COL24A1: variants seen among roughly 807,000 people sequenced by gnomAD.
The protein encoded by COL24A1 is collagen type XXIV alpha 1 chain, also known as collagen alpha-1(XXIV) chain.
In COL24A1, 224 loss-of-function variants were observed where a neutral mutation model predicts 253.9. The observed-to-expected ratio is 0.88, with a 90% CI of 0.79 to 0.99. The LOEUF (loss-of-function observed/expected upper bound fraction) is 0.99. Ranked by LOEUF, COL24A1 falls within the 50% of genes least tolerant of loss-of-function variation. The pLI, the probability that COL24A1 is intolerant of heterozygous loss-of-function variation, is 0.00. For missense variants in COL24A1, 2,131 were observed against 2,068.5 expected (o/e 1.03, Z -0.59); for synonymous variants, 685 against 673.7 (o/e 1.02, Z -0.26).
chr1:85,869,287 T>C (rs1460143394), intron 35 of COL24A1, among the ~76,000 whole-genome samples: 2 of 152,206 alleles, frequency 1.3e-5, no homozygotes, highest in East Asian at 3.9e-4. Context: ...ATTTTCTCCC[T>C]TTAAGTAGAG....
At chr1:85,869,613 G>A (rs1006554648) in intron 35 of COL24A1, among the ~76,000 whole-genome samples, 1 of 152,082 alleles carries the variant, frequency 6.6e-6, no homozygotes, top group African/African-American at 2.4e-5. Flanking sequence ...CATAAGTGAA[G>A]GAGAAATAAA....
At chr1:85,945,018 T>TTTTTTTTTTTTTTTTTTTTTTTTTG (rs1689174688) in intron 24 of COL24A1, among the ~76,000 whole-genome samples, 2 of 86,852 alleles carry the variant, frequency 2.3e-5, no homozygotes, top group Non-Finnish European at 4.6e-5. Context: ...TTTTTTTTTT[T>TTTTTTTTTTTTTTTTTTTTTTTTTG]TTTTTTTTTT....
chr1:85,788,070 T>A (rs1669870447), intron 47 of COL24A1, among the ~76,000 whole-genome samples: 1 of 152,144 alleles, frequency 6.6e-6, no homozygotes, highest in East Asian at 1.9e-4. Context: ...GCCCACTTTT[T>A]ATTTTTTTAA....
intron 47 of COL24A1, among the ~76,000 whole-genome samples, chr1:85,795,993 T>C (rs977821717): frequency 6.6e-6 from 1 of 152,190 alleles, no homozygotes; most frequent in African/African-American, 2.4e-5. Flanking sequence ...TAGGTGATTA[T>C]ATGCAAGGCT....
chr1:85,920,758 G>A (rs72954517), intron 24 of COL24A1, among the ~76,000 whole-genome samples: 1,810 of 151,866 alleles, frequency 0.012, 29 homozygotes, highest in African/African-American at 0.04. Flanking sequence ...GAAAAGTGAC[G>A]AAGTAAGCCA....
intron 14 of COL24A1, among the ~76,000 whole-genome samples, chr1:86,031,618 C>T (rs1044449748): frequency 5.3e-5 from 8 of 151,916 alleles, no homozygotes; most frequent in African/African-American, 9.7e-5. Context: ...TATCCTTTAG[C>T]GCACAGGTAC....
At chr1:85,818,522 G>A (rs1394584152) in intron 45 of COL24A1, among the ~76,000 whole-genome samples, 8 of 152,194 alleles carry the variant, frequency 5.3e-5, no homozygotes, top group Non-Finnish European at 1.2e-4. Context: ...TTACAGTGTG[G>A]TAAGAAGAAC....
intron 43 of COL24A1, among the ~76,000 whole-genome samples, chr1:85,833,527 A>T (rs1675608727): frequency 6.6e-6 from 1 of 152,190 alleles, no homozygotes; most frequent in South Asian, 2.1e-4. Context: ...GGGACTGTAA[A>T]CTAGTTCAAC....
chr1:85,997,435 C>T (rs1436910992), intron 19 of COL24A1, among the ~76,000 whole-genome samples: 1 of 152,040 alleles, frequency 6.6e-6, no homozygotes, highest in Non-Finnish European at 1.5e-5. Context: ...GGGAAAATGA[C>T]CTAAATCTTG....
At chr1:86,123,037 T>C (rs1044784374) in intron 3 of COL24A1, among the ~76,000 whole-genome samples, 10 of 151,992 alleles carry the variant, frequency 6.6e-5, no homozygotes, top group Admixed American at 3.3e-4. Context: ...AACAATGTCA[T>C]TGTGGGAAAG....
At chr1:85,870,195 A>G (rs1680295388) in intron 35 of COL24A1, among the ~76,000 whole-genome samples, 1 of 152,220 alleles carries the variant, frequency 6.6e-6, no homozygotes, top group African/African-American at 2.4e-5. Context: ...AGATTCATAA[A>G]GCAAGTCCTC....
chr1:85,914,391 CTT>C (rs915540362), intron 24 of COL24A1, among the ~76,000 whole-genome samples: 12 of 115,776 alleles, frequency 1.0e-4, no homozygotes, highest in Middle Eastern at 4.5e-3. Flanking sequence ...TTTTTCTTTT[CTT>C]TTTTTTTTTT....
At chr1:86,002,127 G>C (rs1181648931) in intron 19 of COL24A1, among the ~76,000 whole-genome samples, 1 of 152,238 alleles carries the variant, frequency 6.6e-6, no homozygotes, top group East Asian at 1.9e-4. Context: ...AAAAGGCAGA[G>C]ATATTCCCAT....
chr1:86,109,694 C>T (rs1282579283), intron 5 of COL24A1, among the ~76,000 whole-genome samples: 2 of 152,228 alleles, frequency 1.3e-5, no homozygotes, highest in Admixed American at 1.3e-4. Context: ...CATGAAGTTA[C>T]TGGCAACCAA....
In COL24A1 at chr1:85,847,659, A is replaced by G. The variant is rs746154845; in HGVS notation, c.3462+6T>C. On this transcript the variant is annotated splice_donor_region_variant and intron_variant, in intron 39 of 59. Coordinates refer to ENST00000370571, the MANE Select transcript of COL24A1 (RefSeq NM_152890.7). ...ACTCAATTCTGGAAGCAAGTCAAATACTGACCACAGCACCTCTAGTTCCTC... is the reference window on the plus strand; with the variant it reads ...ACTCAATTCTGGAAGCAAGTCAAATGCTGACCACAGCACCTCTAGTTCCTC... 14 of 1,608,734 alleles carry G rather than the reference A, an allele frequency of 8.7e-6. No individual in the cohort carries two copies. In the South Asian group the frequency reaches 9.9e-5, roughly 11 times the overall value.
intron 5 of COL24A1, among the ~76,000 whole-genome samples, chr1:86,098,417 C>CA (rs5775887): frequency 0.9 from 136,548 of 152,094 alleles, 62,043 homozygotes; most frequent in Non-Finnish European, 0.97. Flanking sequence ...ATAGATTTTT[C>CA]ATCCTTGGCT....
Position 85,873,828 on chromosome 1 carries a change from TA to T in COL24A1, c.3138+820del, listed in dbSNP as rs10631015. ...CATGTACCCTAGAACTTAAAATACATAAAAAAAAAAGACTAAGGCTCCGGTA... is the reference window on the plus strand; with the variant it reads ...CATGTACCCTAGAACTTAAAATACATAAAAAAAAAGACTAAGGCTCCGGTA... On this transcript the variant is annotated intron_variant, in intron 35 of 59. Transcript: ENST00000370571. Among the ~76,000 whole-genome samples the T allele has an allele frequency of 3.5e-4, 52 of 148,460 alleles. 2 individuals are homozygous for T. The East Asian group carries it at 7.1e-3, about 20-fold the overall frequency.
chr1:85,885,397 A>ATATATATTTTTTTTTT (rs60994639), intron 32 of COL24A1, among the ~76,000 whole-genome samples: 2 of 128,902 alleles, frequency 1.6e-5, no homozygotes, highest in Non-Finnish European at 3.2e-5. Flanking sequence ...ATATATATAT[A>ATATATATTTTTTTTTT]TTTTTTTTTT....
At chr1:86,050,546 T>C (rs1458671177) in intron 10 of COL24A1, among the ~76,000 whole-genome samples, 1 of 152,094 alleles carries the variant, frequency 6.6e-6, no homozygotes, top group Non-Finnish European at 1.5e-5. Context: ...AAGAGATACA[T>C]TTCAATGTGG....
Sources: allele counts gnomAD v4.1 joint callset (sites outside exome capture counted in the v4.1 genomes callset), GRCh38; gene constraint gnomAD v4.1.1; transcripts MANE v1.5; gene names NCBI Gene and HGNC (gene_info 2026-07-23, HGNC 2026-07-21).